Variants in VWF observed in about 807,000 individuals in gnomAD.
The protein encoded by VWF is von Willebrand factor.
Under a neutral mutation model 308.6 loss-of-function variants are expected in VWF, and 176 were observed. The ratio of observed to expected loss-of-function variants is 0.57; its 90% CI spans 0.50 to 0.65. VWF has a LOEUF of 0.65. Ranked by LOEUF, VWF falls within the 30% of genes least tolerant of loss-of-function variation. VWF has a pLI of 0.00. For missense variants in VWF, 3,146 were observed against 3,648.2 expected (o/e 0.86, Z 3.55); for synonymous variants, 1,385 against 1,443.4 (o/e 0.96, Z 0.92).
chr12:5,993,123 G>T (rs953901172), intron 37 of VWF, among the ~76,000 whole-genome samples: 3 of 152,136 alleles, frequency 2.0e-5, no homozygotes, highest in Non-Finnish European at 4.4e-5. Flanking sequence ...GTTCCATGAT[G>T]ATAAACTCTG....
intron 34 of VWF, among the ~76,000 whole-genome samples, chr12:6,008,799 A>C (rs909273588): frequency 6.6e-6 from 1 of 152,244 alleles, no homozygotes. Flanking sequence ...TAGCAAATTC[A>C]GCGAAGTTAA....
At chr12:6,088,018 C>T (rs1313978580) in intron 6 of VWF, among the ~76,000 whole-genome samples, 18 of 152,164 alleles carry the variant, frequency 1.2e-4, no homozygotes, top group Non-Finnish European at 8.8e-5. Flanking sequence ...AGGCCAACAC[C>T]ATCACATGTC....
intron 47 of VWF, among the ~76,000 whole-genome samples, chr12:5,958,784 G>A (rs1943278868): frequency 6.6e-6 from 1 of 152,146 alleles, no homozygotes; most frequent in African/African-American, 2.4e-5. Flanking sequence ...TGATCCCTCT[G>A]CTTGGATAAA....
chr12:6,006,435 T>C (rs752427248), intron 34 of VWF, among the ~76,000 whole-genome samples: 7 of 152,160 alleles, frequency 4.6e-5, no homozygotes, highest in Non-Finnish European at 1.5e-5. Flanking sequence ...ATAAGTAGAA[T>C]AAACTCTCCA....
intron 34 of VWF, among the ~76,000 whole-genome samples, chr12:6,000,767 G>A (rs867967848): frequency 4.5e-5 from 6 of 134,358 alleles, no homozygotes; most frequent in Middle Eastern, 4.2e-3. Context: ...AGCCGAGATC[G>A]CGCCTCTGCA....
rs1944608775 is a variant in VWF, at chr12:6,057,970, A to G, written c.1608T>C (p.Leu536=). ...GGGGCTCCGCCAGCCCAGAGGGGGT[A>G]AGGAAGTCGTCGCCCTGGTTGCCAT... ...NYNGNQGDDF[L]TPSGLAEPRV... The change falls in exon 14 of 52, where the codon CTT becomes CTC. Residue 536 remains leucine, a synonymous_variant. Coordinates refer to ENST00000261405, the MANE Select transcript of VWF (RefSeq NM_000552.5). The G allele has an allele frequency of 6.8e-6, 11 of 1,613,580 alleles. No homozygotes were observed. In the East Asian group the frequency reaches 2.5e-4, roughly 36 times the overall value.
At chr12:6,104,848 C>T (rs1024008754) in intron 5 of VWF, among the ~76,000 whole-genome samples, 1 of 152,100 alleles carries the variant, frequency 6.6e-6, no homozygotes, top group Non-Finnish European at 1.5e-5. Context: ...ATGGTATGAA[C>T]CTAAATGCCC....
intron 5 of VWF, among the ~76,000 whole-genome samples, chr12:6,106,875 C>CAAAAAAAA (rs201177758): frequency 2.9e-5 from 1 of 34,808 alleles, no homozygotes; most frequent in Non-Finnish European, 6.3e-5. Flanking sequence ...AACTCCGACT[C>CAAAAAAAA]AAAAAAAAAA....
Position 5,948,928 on chromosome 12 carries a change from G to A in VWF, c.*87C>T, listed in dbSNP as rs1180327510. 1.3e-5 allele frequency: 19 copies of A among 1,452,694 alleles called. No homozygotes were observed. Among genetic ancestry groups the A allele is most frequent in the Non-Finnish European group, 1.8e-5 (19 of 1,057,070 alleles). 90.0% of individuals were successfully genotyped at this position (1,452,694 alleles called of 1,614,324 possible). A position where few individuals can be genotyped will look rare whatever the true frequency, so the allele number is the denominator to read the frequency against. On this transcript the variant is annotated 3_prime_UTR_variant, in exon 52 of 52. Coordinates refer to ENST00000261405, the MANE Select transcript of VWF (RefSeq NM_000552.5). The surrounding 1 kb of genome is among the most constrained non-coding windows in gnomAD (Gnocchi z 4.4). The stretch of plus-strand genomic sequence containing the variant: ...ATTGTGGGCTCAGAAGGGCACAAGA[G>A]CAGAACATGCAGAGGACTGGCAGCA...
chr12:6,017,620 A>ATT lies in VWF; in HGVS notation c.5053+743_5053+744dup, dbSNP rs201286351. 1.3e-3 allele frequency among the ~76,000 whole-genome samples: 193 copies of ATT among 151,400 alleles called. 4 individuals are homozygous for ATT. Among genetic ancestry groups the ATT allele is most frequent in the Admixed American group, 7.9e-4 (12 of 15,220 alleles). On this transcript the variant is annotated intron_variant, in intron 28 of 51. Coordinates refer to ENST00000261405, the MANE Select transcript of VWF (RefSeq NM_000552.5). The stretch of plus-strand genomic sequence containing the variant: ...AGTAGTAACAGCAGTGGGAGCAAGC[A>ATT]TTTTTTTTTGAGCACTTGTCATGTG...
chr12:6,079,036 T>C (rs1944875382), intron 6 of VWF, among the ~76,000 whole-genome samples: 1 of 152,162 alleles, frequency 6.6e-6, no homozygotes, highest in Non-Finnish European at 1.5e-5. Context: ...TGTACAAACT[T>C]CTGAAATCTG....
chr12:6,061,725 G>A (rs1944656966), intron 13 of VWF, among the ~76,000 whole-genome samples: 1 of 152,170 alleles, frequency 6.6e-6, no homozygotes, highest in South Asian at 2.1e-4. Context: ...ACCCATAGGG[G>A]TCCCTGAGAC....
At chr12:5,993,785 G>T in intron 37 of VWF, 77 bp downstream of exon 37, 1 of 1,358,790 alleles carries the variant, frequency 7.4e-7, no homozygotes, top group Non-Finnish European at 1.0e-6. Context: ...GCCAGATAAA[G>T]AATCTGGGGC....
chr12:6,108,980 CAAAAAAA>C (rs748182676), intron 5 of VWF, among the ~76,000 whole-genome samples: 5 of 63,842 alleles, frequency 7.8e-5, no homozygotes, highest in African/African-American at 2.9e-4. Context: ...GACTCCGTCT[CAAAAAAA>C]AAAAAAAAAA....
rs1423830257 is a variant in VWF at position 6,058,685 on chromosome 12, G to C, written c.1534-641C>G. The stretch of plus-strand genomic sequence containing the variant: ...AAGACTCTGAGGGTGATGATGGATA[G>C]GAGTAGGAGTCTGCAGAGGCTCTGA... On this transcript the variant is annotated intron_variant, in intron 13 of 51. Transcript: ENST00000261405. This position sits in a 1 kb window ranked among gnomAD's most constrained non-coding sequence, Gnocchi z 4.9. Among the ~76,000 whole-genome samples the C allele has an allele frequency of 2.0e-5, 3 of 152,226 alleles. No individual in the cohort carries two copies. Among genetic ancestry groups the C allele is most frequent in the Non-Finnish European group, 4.4e-5 (3 of 68,032 alleles).
chr12:6,079,669 G>C (rs1022349745), intron 6 of VWF, among the ~76,000 whole-genome samples: 4 of 152,010 alleles, frequency 2.6e-5, no homozygotes, highest in Admixed American at 6.6e-5. Flanking sequence ...CAGGCTCGTG[G>C]CAGAGACACT....
rs1943777564 is a variant in VWF, at chr12:5,994,047, T to C, written c.6413A>G (p.His2138Arg). 3.1e-6 allele frequency: 5 copies of C among 1,614,056 alleles called. No homozygotes were observed. The Admixed American group carries it at 6.7e-5, about 22-fold the overall frequency. ...EEQCLVPDSS[H>R]CQVLLLPLFA... ...CAGTGGTAAGAGGAGGACCTGGCAG[T>C]GGGAGCTGTCGGGGACAAGACACTG... The change falls in exon 37 of 52, where the codon CAC becomes CGC. Residue 2138 changes from histidine (H) to arginine (R), a missense_variant. Physicochemically the swap from His to Arg is conservative, Grantham distance 29. Around this residue, in one of 3 missense-constraint regions of VWF, gnomAD observed 989 missense variants for 1,117.4 expected, o/e 0.89. Coordinates refer to ENST00000261405, the MANE Select transcript of VWF (RefSeq NM_000552.5).
At chr12:6,050,343 C>T (rs965901783) in intron 16 of VWF, among the ~76,000 whole-genome samples, 5 of 152,188 alleles carry the variant, frequency 3.3e-5, no homozygotes, top group African/African-American at 1.2e-4. Context: ...TCCAAGGCCT[C>T]GCTACCTTCT....
intron 31 of VWF, among the ~76,000 whole-genome samples, chr12:6,014,055 T>A (rs142421516): frequency 1.5e-3 from 233 of 152,018 alleles, no homozygotes; most frequent in African/African-American, 5.5e-3. Context: ...AAGCATTTGG[T>A]GAAAAGATGG....
Sources: allele counts gnomAD v4.1 joint callset (sites outside exome capture counted in the v4.1 genomes callset), GRCh38; gene constraint gnomAD v4.1.1; regional missense constraint gnomAD v4.1.1; non-coding constraint Gnocchi (gnomAD v3.1); transcripts MANE v1.5; gene names NCBI Gene and HGNC (gene_info 2026-07-23, HGNC 2026-07-21).